CALU: variants seen among roughly 807,000 people sequenced by gnomAD.
CALU encodes IEF SSP 9302.
CALU carries 13 observed loss-of-function variants against 37.5 expected under a neutral mutation model. The observed-to-expected ratio is 0.35, with a 90% CI of 0.23 to 0.55. The LOEUF is 0.55. CALU is among the 20% of genes least tolerant of loss of function. CALU has a pLI of 0.89. For synonymous variants in CALU, 114 were observed against 133.8 expected, an observed-to-expected ratio of 0.85 and a Z score of 1.02; for missense variants, 282 against 391.7, an observed-to-expected ratio of 0.72 and a Z score of 2.36.
At chr7:128,762,820 C>T (rs1173635705) in intron 5 of CALU, among the ~76,000 whole-genome samples, 1 of 152,048 alleles carries the variant, frequency 6.6e-6, no homozygotes, top group East Asian at 1.9e-4. Context: ...GCATGCACCA[C>T]CACACCTGGC....
chr7:128,765,492 A>G (rs753519956), intron 5 of CALU, among the ~76,000 whole-genome samples: 1 of 152,254 alleles, frequency 6.6e-6, no homozygotes, highest in Non-Finnish European at 1.5e-5. Flanking sequence ...CTTCCTCAAC[A>G]GAATTATATT....
intron 1 of CALU, among the ~76,000 whole-genome samples, chr7:128,739,674 C>G (rs1379046192): frequency 6.6e-6 from 1 of 152,146 alleles, no homozygotes; most frequent in Non-Finnish European, 1.5e-5. Context: ...CGGTGGAACT[C>G]TGTCCCGTTG....
chr7:128,772,217 T>C lies in CALU; in HGVS notation c.*3050T>C, dbSNP rs1294265332. Among the ~76,000 whole-genome samples, 1 of 151,846 alleles carries C rather than the reference T, an allele frequency of 6.6e-6. No individual in the cohort carries two copies. Among genetic ancestry groups the C allele is most frequent in the Non-Finnish European group, 1.5e-5 (1 of 67,974 alleles). ...ACTAAAAAGGAAAGTATCCATACAC[T>C]GAAAACTTAAAGCATATTCCTTTTT... On this transcript the variant is annotated 3_prime_UTR_variant, in exon 7 of 7. Transcript: ENST00000249364.
chr7:128,771,585 G>C lies in CALU; in HGVS notation c.*2418G>C, dbSNP rs1344095394. 13 of 152,626 alleles carry C rather than the reference G, an allele frequency of 8.5e-5. No individual in the cohort carries two copies. The East Asian group carries it at 2.5e-3, about 29-fold the overall frequency. The allele number at this position is 152,626 out of a possible 1,614,324, so 9.5% of individuals were successfully genotyped here. A position where few individuals can be genotyped will look rare whatever the true frequency, so the allele number is the denominator to read the frequency against. Reference sequence around the variant, plus strand: ...TCTCCTCGAAGTTCTCCCAAACTCAGAGACAGCACTGCCTTCTCCTAAATG... The same window carrying C: ...TCTCCTCGAAGTTCTCCCAAACTCACAGACAGCACTGCCTTCTCCTAAATG... On this transcript the variant is annotated 3_prime_UTR_variant, in exon 7 of 7. Coordinates refer to ENST00000249364, the MANE Select transcript of CALU (RefSeq NM_001219.5).
intron 3 of CALU, among the ~76,000 whole-genome samples, chr7:128,756,517 T>A (rs1418350307): frequency 6.6e-6 from 1 of 152,224 alleles, no homozygotes; most frequent in East Asian, 1.9e-4. Flanking sequence ...TTACTGTGTG[T>A]TCTTGATTCA....
chr7:128,769,122 G>T lies in CALU; in HGVS notation c.903G>T (p.Gln301His), dbSNP rs765925964. The T allele has an allele frequency of 1.9e-5, 30 of 1,613,324 alleles. No homozygotes were observed. Among genetic ancestry groups the T allele is most frequent in the Admixed American group, 1.8e-4 (11 of 59,984 alleles). Residue 301 changes from glutamine to histidine, a missense_variant, in exon 7 of 7, where the codon CAG becomes CAT. Physicochemically the swap from Gln to His is conservative, Grantham distance 24. Transcript: ENST00000249364. The part of the protein sequence containing the change: ...VDKYDLFVGS[Q>H]ATDFGEALVR... ...AGTATGACTTATTTGTTGGCAGCCA[G>T]GCCACAGATTTTGGGGAGGCCTTAG...
chr7:128,745,240 C>T (rs1189513128), intron 1 of CALU, among the ~76,000 whole-genome samples: 1 of 152,196 alleles, frequency 6.6e-6, no homozygotes, highest in Non-Finnish European at 1.5e-5. Flanking sequence ...GCCTCTGTCA[C>T]TATACATATT....
chr7:128,750,220 CAAAAAAA>C (rs398006225), intron 2 of CALU, among the ~76,000 whole-genome samples: 9 of 75,072 alleles, frequency 1.2e-4, no homozygotes, highest in Admixed American at 6.0e-4. Flanking sequence ...AGAGCCATCT[CAAAAAAA>C]AAAAAAAAAA....
At position 128,759,024 on chromosome 7, in the gene CALU, A is replaced by T; in HGVS notation, c.569A>T (p.Asp190Val). The T allele has an allele frequency of 6.2e-7, 1 of 1,613,196 alleles. No individual in the cohort carries two copies. The highest frequency in any genetic ancestry group is 2.2e-5 in the East Asian group (1 of 44,872). Residue 190 changes from aspartate to valine, a missense_variant, in exon 4 of 7, where the codon GAT (aspartate) becomes GTT (valine). Physicochemically the swap from Asp to Val is radical, Grantham distance 152. Transcript: ENST00000249364. ...CCTGAGGAGTATGACTACATGAAAG[A>T]TATAGTAGTACAGGTGGGTGAGATG... ...LHPEEYDYMK[D>V]IVVQETMEDI...
At chr7:128,746,810 C>G (rs953508448) in intron 1 of CALU, among the ~76,000 whole-genome samples, 1 of 139,500 alleles carries the variant, frequency 7.2e-6, no homozygotes, top group Non-Finnish European at 1.5e-5. Flanking sequence ...ACTCTGTAGC[C>G]CAGGCTGGAG....
chr7:128,748,931 A>G (rs1252336843), intron 2 of CALU, 127 bp downstream of exon 2: 3 of 624,922 alleles, frequency 4.8e-6, no homozygotes, highest in African/African-American at 1.8e-5. Context: ...CTGAAAGCTA[A>G]CCATGGAATT....
At chr7:128,744,507 T>C (rs1022815916) in intron 1 of CALU, among the ~76,000 whole-genome samples, 5 of 152,144 alleles carry the variant, frequency 3.3e-5, no homozygotes, top group South Asian at 4.1e-4. Flanking sequence ...GTTTTGTTTT[T>C]TTTTAAGTAG....
chr7:128,750,591 A>T (rs542983424), intron 2 of CALU, among the ~76,000 whole-genome samples: 75 of 152,326 alleles, frequency 4.9e-4, no homozygotes, highest in African/African-American at 1.7e-3. Context: ...GCTTCTCCCA[A>T]ATTTTGTTGG....
intron 1 of CALU, among the ~76,000 whole-genome samples, chr7:128,739,901 C>T (rs1307821964): frequency 1.3e-5 from 2 of 152,126 alleles, no homozygotes; most frequent in African/African-American, 4.8e-5. Context: ...TAGGGTGCAT[C>T]TGCCAAGGTC....
chr7:128,750,098 C>T (rs1465983010), intron 2 of CALU, among the ~76,000 whole-genome samples: 4 of 151,688 alleles, frequency 2.6e-5, no homozygotes, highest in South Asian at 2.1e-4. Flanking sequence ...CGTGGTGGCG[C>T]GTGCCTGTAG....
intron 1 of CALU, among the ~76,000 whole-genome samples, chr7:128,742,755 A>G (rs990951012): frequency 2.8e-4 from 42 of 152,322 alleles, no homozygotes; most frequent in African/African-American, 7.7e-4. Flanking sequence ...AAGACTCATT[A>G]TTATTAAAAT....
chr7:128,741,684 A>C (rs1256871006), intron 1 of CALU, among the ~76,000 whole-genome samples: 1 of 152,254 alleles, frequency 6.6e-6, no homozygotes. Flanking sequence ...GAGCTAAAAT[A>C]ACTACCAAAT....
At chr7:128,739,708 C>T (rs1467708362) in intron 1 of CALU, among the ~76,000 whole-genome samples, 1 of 152,158 alleles carries the variant, frequency 6.6e-6, no homozygotes, top group East Asian at 1.9e-4. Context: ...GCCTGGTTTG[C>T]TGCGTCCTGG....
chr7:128,748,499 T>C (rs760802945), intron 1 of CALU, 74 bp from the exon 2 acceptor site: 77 of 1,259,428 alleles, frequency 6.1e-5, no homozygotes, highest in Non-Finnish European at 8.4e-5. Context: ...TTAACTCGGA[T>C]GTGAGCTTTT....
Sources: allele counts gnomAD v4.1 joint callset (sites outside exome capture counted in the v4.1 genomes callset), GRCh38; gene constraint gnomAD v4.1.1; transcripts MANE v1.5; gene names NCBI Gene and HGNC (gene_info 2026-07-23, HGNC 2026-07-21).